Variants in CNOT1 observed in about 807,000 individuals in gnomAD.
CNOT1 encodes the protein CCR4-associated factor 1.
In CNOT1, 15 loss-of-function variants were observed where a neutral mutation model predicts 273.8. That is an observed-to-expected ratio of 0.05 (90% CI 0.04 to 0.08). The LOEUF (loss-of-function observed/expected upper bound fraction) is 0.08. CNOT1 is among the 10% of genes least tolerant of loss of function. The pLI, the probability that CNOT1 is intolerant of heterozygous loss-of-function variation, is 1.00. For missense variants in CNOT1, 1,644 were observed against 2,912.2 expected (o/e 0.56, Z 10.02); for synonymous variants, 1,022 against 1,005.5 (o/e 1.02, Z -0.31).
At position 58,546,693 on chromosome 16, in the gene CNOT1, T is replaced by C; in HGVS notation, c.3807A>G (p.Leu1269=). ...TMAIMNVLAE[L]HQEHDLKLNL... ...TTACCTTTAAGTCATGCTCCTGATG[T>C]AGCTCAGCTAATACATTCATAATTG... Residue 1269 remains leucine (L), a synonymous_variant, in exon 28 of 49, where the codon CTA becomes CTG. Coordinates refer to ENST00000317147, the MANE Select transcript of CNOT1 (RefSeq NM_016284.5). 1 of 1,613,996 alleles carries C rather than the reference T, an allele frequency of 6.2e-7. No homozygotes were observed. The highest frequency in any genetic ancestry group is 2.2e-5 in the East Asian group (1 of 44,862).
rs111339197 is a variant in CNOT1 at position 58,581,359 on chromosome 16, G to A, written c.1201C>T (p.His401Tyr). Residue 401 changes from histidine to tyrosine, a missense_variant, in exon 11 of 49, where the codon CAT (histidine) becomes TAT (tyrosine). By Grantham distance (83) the His-to-Tyr change is moderately conservative (BLOSUM62 2). Around this residue, in one of 13 missense-constraint regions of CNOT1, gnomAD observed 706 missense variants for 1,021.2 expected, o/e 0.69. Transcript: ENST00000317147. ...PVDLIYRPWK[H>Y]AEGQLSFIQH... ...CACTTACTCACCTGGCCTTCAGCATGTTTCCAAGGTCTATATATGAGGTCT... is the reference window on the plus strand; with the variant it reads ...CACTTACTCACCTGGCCTTCAGCATATTTCCAAGGTCTATATATGAGGTCT... 2 of 1,605,990 alleles carry A rather than the reference G, an allele frequency of 1.2e-6. No homozygotes were observed. Among genetic ancestry groups the A allele is most frequent in the Non-Finnish European group, 8.5e-7 (1 of 1,177,742 alleles).
rs2040267848 is a variant in CNOT1, at chr16:58,546,715, A to T, written c.3785T>A (p.Ile1262Asn). 1 of 1,613,866 alleles carries T rather than the reference A, an allele frequency of 6.2e-7. No individual in the cohort carries two copies. Among genetic ancestry groups the T allele is most frequent in the African/African-American group, 1.3e-5 (1 of 74,910 alleles). Residue 1262 changes from isoleucine to asparagine, a missense_variant, in exon 28 of 49, where the codon ATT becomes AAT. Coordinates refer to ENST00000317147, the MANE Select transcript of CNOT1 (RefSeq NM_016284.5). ...FRPPNPWTMA[I>N]MNVLAELHQE... ...ATGTAGCTCAGCTAATACATTCATA[A>T]TTGCCATTGTCCAAGGGTTTGGTGG...
intron 36 of CNOT1, 65 bp downstream of exon 36, chr16:58,538,707 G>A: frequency 1.3e-6 from 2 of 1,598,278 alleles, no homozygotes; most frequent in Non-Finnish European, 1.7e-6. Flanking sequence ...GACATAAACA[G>A]TACTATCTAT....
At position 58,555,857 on chromosome 16, in the gene CNOT1, A is replaced by G. The variant is rs370163266; in HGVS notation, c.2531T>C (p.Ile844Thr). The G allele has an allele frequency of 2.5e-6, 4 of 1,613,866 alleles. No individual in the cohort carries two copies. The highest frequency in any genetic ancestry group is 3.4e-6 in the Non-Finnish European group (4 of 1,180,006). The change falls in exon 20 of 49, where the codon ATA becomes ACA. Residue 844 changes from isoleucine (I) to threonine (T), a missense_variant. Transcript: ENST00000317147. ...PEANQHFSKE[I>T]DDEANSYFQR... The stretch of plus-strand genomic sequence containing the variant: ...GAAATAGCTGTTTGCTTCATCATCT[A>G]TCTCTTTACTAAAGTGCTGGTTTGC...
At chr16:58,616,399 C>G (rs1401540137) in intron 1 of CNOT1, among the ~76,000 whole-genome samples, 1 of 150,922 alleles carries the variant, frequency 6.6e-6, no homozygotes, top group Non-Finnish European at 1.5e-5. Flanking sequence ...AGCCACCACG[C>G]CCGGCCTACA....
intron 1 of CNOT1, among the ~76,000 whole-genome samples, chr16:58,615,625 C>T (rs570840277): frequency 7.9e-6 from 1 of 126,170 alleles, no homozygotes; most frequent in South Asian, 2.3e-4. Flanking sequence ...TGTTAAGCCG[C>T]TGTTATCTTG....
At chr16:58,543,379 T>C (rs1420916300) in intron 31 of CNOT1, 2 of 1,540,336 alleles carry the variant, frequency 1.3e-6, no homozygotes, top group Non-Finnish European at 1.8e-6. Flanking sequence ...GGGTATCTAC[T>C]ATCTGTCAAA....
At chr16:58,598,164 C>G (rs370536162) in intron 2 of CNOT1, among the ~76,000 whole-genome samples, 4 of 151,644 alleles carry the variant, frequency 2.6e-5, no homozygotes, top group South Asian at 2.1e-4. Context: ...TTTGGGAGGC[C>G]GAGGCAGGCA....
chr16:58,567,551 C>CAAA (rs35372389), intron 16 of CNOT1, among the ~76,000 whole-genome samples: 19 of 111,654 alleles, frequency 1.7e-4, no homozygotes, highest in East Asian at 1.1e-3. Context: ...GACATCATCT[C>CAAA]AAAAAAAAAA....
chr16:58,542,048 A>T (rs2151916126), intron 33 of CNOT1, among the ~76,000 whole-genome samples, 183 bp downstream of exon 33: 1 of 152,348 alleles, frequency 6.6e-6, no homozygotes, highest in Admixed American at 6.5e-5. Flanking sequence ...GAGCAAGGGA[A>T]TTTAGAGCTA....
chr16:58,554,573 T>C (rs2040565384), intron 21 of CNOT1, among the ~76,000 whole-genome samples: 1 of 152,212 alleles, frequency 6.6e-6, no homozygotes, highest in African/African-American at 2.4e-5. Flanking sequence ...CTGTACGAAG[T>C]ATACCTCATA....
At chr16:58,541,365 C>T (rs75110281) in intron 34 of CNOT1, 136 bp downstream of exon 34, 1 of 1,355,960 alleles carries the variant, frequency 7.4e-7, no homozygotes, top group African/African-American at 1.5e-5. Context: ...ACAAAGAATA[C>T]CTACAACTCA....
chr16:58,526,104 C>T lies in CNOT1; in HGVS notation c.6488G>A (p.Arg2163Gln), dbSNP rs368556234. The T allele has an allele frequency of 3.1e-6, 5 of 1,613,818 alleles. No individual in the cohort carries two copies. The highest frequency in any genetic ancestry group is 2.7e-5 in the African/African-American group (2 of 74,864). ...TACTCCAGTGAAATTGGTGAGAATC[C>T]GGGGAGCAATGTTAATTTCACTCAA... Reference protein sequence around the residue: ...DMLSEINIAPRILTNFTGVMP... With the variant: ...DMLSEINIAPQILTNFTGVMP... The change falls in exon 45 of 49, where the codon CGG (arginine) becomes CAG (glutamine). Residue 2163 changes from arginine to glutamine, a missense_variant. This residue lies in a region of CNOT1 where 140 missense variants were observed against 324.6 expected (regional missense o/e 0.43). Transcript: ENST00000317147.
intron 1 of CNOT1, among the ~76,000 whole-genome samples, chr16:58,599,816 A>C (rs1244528237): frequency 6.6e-6 from 1 of 152,180 alleles, no homozygotes; most frequent in Non-Finnish European, 1.5e-5. Context: ...CTGTAACCCC[A>C]GCACTTTGCG....
chr16:58,588,394 T>C (rs1157551893), intron 3 of CNOT1, among the ~76,000 whole-genome samples: 1 of 152,194 alleles, frequency 6.6e-6, no homozygotes, highest in Non-Finnish European at 1.5e-5. Context: ...TCAAAGTCTA[T>C]TAGCAGCAAA....
chr16:58,560,412 C>G (rs552728589), intron 16 of CNOT1, 50 bp from the exon 17 acceptor site: 1 of 1,574,162 alleles, frequency 6.4e-7, no homozygotes, highest in Non-Finnish European at 8.6e-7. Context: ...TTCTCTAGCA[C>G]ATGTAAGTAA....
At chr16:58,522,565 T>TGA (rs929829523) in intron 47 of CNOT1, among the ~76,000 whole-genome samples, 4 of 152,256 alleles carry the variant, frequency 2.6e-5, no homozygotes, top group Admixed American at 2.0e-4. Context: ...AGTGTGTGTG[T>TGA]GTGTGTATCA....
intron 24 of CNOT1, among the ~76,000 whole-genome samples, chr16:58,550,847 T>TC (rs1425935695): frequency 6.6e-6 from 1 of 152,124 alleles, no homozygotes; most frequent in African/African-American, 2.4e-5. Context: ...ATACTCTGAA[T>TC]AGTCTCTGGG....
At position 58,533,738 on chromosome 16, in the gene CNOT1, C is replaced by T. The variant is rs111973363; in HGVS notation, c.5895+409G>A. Among the ~76,000 whole-genome samples, 443 of 152,182 alleles carry T rather than the reference C, an allele frequency of 2.9e-3. 2 individuals are homozygous for T. The highest frequency in any genetic ancestry group is 9.4e-3 in the African/African-American group (390 of 41,530). On this transcript the variant is annotated intron_variant, in intron 40 of 48. Transcript: ENST00000317147. ...TACTCACGAGGCTGAGGTAGGAGAA[C>T]GGTGTGAACCTAGGAGGCGGAGTTT...
Sources: allele counts gnomAD v4.1 joint callset (sites outside exome capture counted in the v4.1 genomes callset), GRCh38; gene constraint gnomAD v4.1.1; regional missense constraint gnomAD v4.1.1; transcripts MANE v1.5; gene names NCBI Gene and HGNC (gene_info 2026-07-23, HGNC 2026-07-21).